Variants in RIF1 observed in about 807,000 individuals in gnomAD.
RIF1 encodes telomere-associated protein RIF1.
A neutral mutation model predicts 247.1 loss-of-function variants in RIF1; 45 were observed. The observed-to-expected ratio is 0.18, with a 90% confidence interval of 0.14 to 0.23. RIF1 has a LOEUF of 0.23. RIF1 is among the 10% of genes least tolerant of loss of function. The probability of loss-of-function intolerance (pLI) is 1.00; values close to 1 mark genes in which losing one functional copy is unlikely to be tolerated. For missense variants in RIF1, 2,967 were observed against 2,862.5 expected (o/e 1.04, Z -0.83); for synonymous variants, 1,087 against 978.8 (o/e 1.11, Z -2.06).
intron 3 of RIF1, 126 bp downstream of exon 3, chr2:151,411,464 T>C: frequency 1.7e-6 from 1 of 594,506 alleles, no homozygotes; most frequent in East Asian, 3.0e-5. Flanking sequence ...TGGCTCAGGC[T>C]CGGGCTCGGC....
the RIF1 span, chr2:151,520,039 C>CAA: frequency 9.4e-5 from 15 of 159,016 alleles, no homozygotes; most frequent in Non-Finnish European, 1.7e-4. Context: ...TAATGCAAAA[C>CAA]AAAAAAAAAA....
intron 8 of RIF1, among the ~76,000 whole-genome samples, chr2:151,424,825 ATTTTTTTTTT>A (rs71000475): frequency 0.038 from 1,780 of 47,334 alleles, 51 homozygotes; most frequent in African/African-American, 0.12. Context: ...AGCCCGGCTG[ATTTTTTTTTT>A]TTTTTTTTTT....
At position 151,480,671 on chromosome 2, in the gene RIF1, C is replaced by G. The variant is rs1215479471; in HGVS notation, c.*5600C>G. The G allele has an allele frequency of 1.3e-5, 2 of 152,124 alleles. No homozygotes were observed. The highest frequency in any genetic ancestry group is 2.9e-5 in the Non-Finnish European group (2 of 68,018). 9.4% of individuals were successfully genotyped at this position (152,124 alleles called of 1,614,324 possible). A position where few individuals can be genotyped will look rare whatever the true frequency, so the allele number is the denominator to read the frequency against. On this transcript the variant is annotated 3_prime_UTR_variant, in exon 36 of 36. Coordinates refer to ENST00000444746, the MANE Select transcript of RIF1 (RefSeq NM_018151.5). ...ATAAACAACATATAACTAGGAAGAT[C>G]ATCTTCAAAATAAAGTGTCATGGAA...
chr2:151,422,732 T>C (rs1248536849), intron 7 of RIF1, among the ~76,000 whole-genome samples: 1 of 151,808 alleles, frequency 6.6e-6, no homozygotes, highest in East Asian at 1.9e-4. Context: ...ACTCCTGACT[T>C]CAAGAGTGAG....
chr2:151,527,529 G>A, the RIF1 span: 2 of 1,613,502 alleles, frequency 1.2e-6, no homozygotes, highest in Non-Finnish European at 1.7e-6. Context: ...AGTCCGGTCG[G>A]TCAGGAGTCC....
chr2:151,442,766 GATTTTT>G (rs1337945915), intron 16 of RIF1, among the ~76,000 whole-genome samples: 70 of 120,022 alleles, frequency 5.8e-4, no homozygotes, highest in African/African-American at 2.0e-3. Flanking sequence ...TAAAGAGCTT[GATTTTT>G]TTTTTTTTTT....
At chr2:151,458,026 TTTGATTCA>T (rs963423272) in intron 24 of RIF1, 63 bp downstream of exon 24, 1 of 1,173,802 alleles carries the variant, frequency 8.5e-7, no homozygotes, top group African/African-American at 1.9e-5. Flanking sequence ...AAATTGATAC[TTTGATTCA>T]AATAATCTTT....
rs1194145478 is a variant in RIF1 at position 151,445,373 on chromosome 2, T to C, written c.2022T>C (p.His674=). The C allele has an allele frequency of 6.2e-7, 1 of 1,609,394 alleles. No individual in the cohort carries two copies. Among genetic ancestry groups the C allele is most frequent in the East Asian group, 2.2e-5 (1 of 44,834 alleles). Residue 674 remains histidine, a synonymous_variant, in exon 19 of 36, where the codon CAT becomes CAC. Coordinates refer to ENST00000444746, the MANE Select transcript of RIF1 (RefSeq NM_018151.5). ...TAAATCAAGGTGATGCCTTAGAACA[T>C]AATTTTAGTGCCATCTATGGTGCAT... ...NEVNQGDALE[H]NFSAIYGALT... is the part of the protein sequence containing the mutation.
At position 151,457,825 on chromosome 2, in the gene RIF1, G is replaced by A. The variant is rs762223582; in HGVS notation, c.2717G>A (p.Ser906Asn). ...TTCAGCTACACCGGAACTTATGATA[G>A]TGAACTTCTTGAACAACTCTCCCCA... The part of the protein sequence containing the change: ...LQFSYTGTYD[S>N]ELLEQLSPLL... The change falls in exon 24 of 36, where the codon AGT becomes AAT. Residue 906 changes from serine to asparagine, a missense_variant. Ser to Asn is a conservative substitution (Grantham distance 46). Coordinates refer to ENST00000444746, the MANE Select transcript of RIF1 (RefSeq NM_018151.5). 1 of 1,613,682 alleles carries A rather than the reference G, an allele frequency of 6.2e-7. No homozygotes were observed. The highest frequency in any genetic ancestry group is 8.5e-7 in the Non-Finnish European group (1 of 1,179,866).
intron 8 of RIF1, among the ~76,000 whole-genome samples, chr2:151,423,921 T>C (rs1186681932): frequency 6.6e-6 from 1 of 152,136 alleles, no homozygotes; most frequent in African/African-American, 2.4e-5. Context: ...GCATCATCCC[T>C]AACAAAAACT....
chr2:151,443,232 G>A (rs1180505759), intron 16 of RIF1, 27 bp from the exon 17 acceptor site: 2 of 1,345,840 alleles, frequency 1.5e-6, no homozygotes, highest in Admixed American at 1.9e-5. Context: ...TTGTAACTGA[G>A]AAGATTGACT....
intron 21 of RIF1, among the ~76,000 whole-genome samples, chr2:151,452,127 A>G (rs887081181): frequency 6.6e-6 from 1 of 152,194 alleles, no homozygotes; most frequent in African/African-American, 2.4e-5. Flanking sequence ...AAAGAAAACA[A>G]TGGGATCAGT....
intron 22 of RIF1, among the ~76,000 whole-genome samples, chr2:151,456,221 A>G (rs1012336320): frequency 2.0e-5 from 3 of 152,238 alleles, no homozygotes; most frequent in Non-Finnish European, 4.4e-5. Context: ...TTTTAGGAAC[A>G]GATTTTATAA....
downstream of RIF1, among the ~76,000 whole-genome samples, chr2:151,511,372 T>C (rs1018199283): frequency 1.3e-5 from 2 of 152,240 alleles, no homozygotes; most frequent in Non-Finnish European, 2.9e-5. Context: ...ATTTTTCATG[T>C]GTAATTTTAC....
chr2:151,490,173 T>G lies in RIF1; in HGVS notation c.*416-5056T>G, dbSNP rs1574526770. 7.5e-6 allele frequency: 9 copies of G among 1,199,754 alleles called. No homozygotes were observed. In the East Asian group the frequency reaches 1.9e-4, roughly 25 times the overall value. 74.3% of individuals were successfully genotyped at this position (1,199,754 alleles called of 1,614,324 possible). A position where few individuals can be genotyped will look rare whatever the true frequency, so the allele number is the denominator to read the frequency against. ...CTGAGTGATGTCTTTTTCCCCCAAC[T>G]TAGAATGATTTCCAAAAAGAGAAAT... On this transcript the variant is annotated intron_variant and NMD_transcript_variant, in intron 9 of 13. Transcript: ENST00000454583.
intron 10 of RIF1, chr2:151,497,045 G>C: frequency 6.4e-7 from 1 of 1,559,672 alleles, no homozygotes; most frequent in Non-Finnish European, 8.7e-7. Flanking sequence ...TGTGCGATAA[G>C]AAAGCAACCA....
intron 13 of RIF1, chr2:151,507,215 G>A (rs1055075339): frequency 7.9e-6 from 4 of 504,836 alleles, no homozygotes; most frequent in South Asian, 2.5e-5. Context: ...ATAAAGCTAG[G>A]GGTTTGTTTT....
At chr2:151,440,209 A>G in intron 15 of RIF1, 82 bp downstream of exon 15, 2 of 788,326 alleles carry the variant, frequency 2.5e-6, no homozygotes, top group Non-Finnish European at 4.2e-6. Flanking sequence ...GCACAAATCT[A>G]GTTTGGGAAG....
At chr2:151,523,005 G>A in the RIF1 span, among the ~76,000 whole-genome samples, 1 of 152,146 alleles carries the variant, frequency 6.6e-6, no homozygotes, top group Non-Finnish European at 1.5e-5. Flanking sequence ...GATTCACTTA[G>A]TACTAGAAAT....
Sources: gnomAD v4.1 joint callset for allele counts (sites outside exome capture counted in the v4.1 genomes callset) on GRCh38, gnomAD v4.1.1 for gene constraint, MANE v1.5 for transcripts, NCBI Gene and HGNC (gene_info 2026-07-23, HGNC 2026-07-21) for gene names.